MSRA: variants seen among roughly 807,000 people sequenced by gnomAD.
MSRA encodes the protein mitochondrial peptide methionine sulfoxide reductase.
A neutral mutation model predicts 31.3 loss-of-function variants in MSRA; 54 were observed. The observed-to-expected ratio is 1.73, with a 90% confidence interval of 1.39 to 2.17. MSRA has a LOEUF of 2.17. MSRA is among the 30% of genes most tolerant of loss of function. The pLI is 0.00. For synonymous variants in MSRA, 169 were observed against 116.5 expected, an observed-to-expected ratio of 1.45 and a Z score of -2.90; for missense variants, 507 against 300.9, an observed-to-expected ratio of 1.69 and a Z score of -5.07.
At chr8:10,234,812 TAAG>T (rs2129075149) in intron 2 of MSRA, among the ~76,000 whole-genome samples, 1 of 152,120 alleles carries the variant, frequency 6.6e-6, no homozygotes, top group South Asian at 2.1e-4. Context: ...AAAATAATTT[TAAG>T]AACAAAAGAC....
At chr8:10,112,464 A>G (rs1044065253) in intron 1 of MSRA, among the ~76,000 whole-genome samples, 3 of 152,228 alleles carry the variant, frequency 2.0e-5, no homozygotes, top group Non-Finnish European at 4.4e-5. Context: ...TGCCACAGTC[A>G]CAGTTCTTCA....
rs1800850432 is a variant in MSRA, at chr8:10,301,595, G to C, written c.393G>C (p.Glu131Asp). Residue 131 changes from glutamate (E) to aspartate (D), a missense_variant, in exon 4 of 6, where the codon GAG (glutamate) becomes GAC (aspartate). Physicochemically the swap from Glu to Asp is conservative, Grantham distance 45. Transcript: ENST00000317173. Reference protein sequence around the residue: ...VVYQPEHMSFEELLKVFWENH... With the variant: ...VVYQPEHMSFDELLKVFWENH... ...ACCAGCCAGAACACATGAGTTTTGA[G>C]GAACTGCTCAAGGTCTTCTGGGAGA... 2 of 1,614,004 alleles carry C rather than the reference G, an allele frequency of 1.2e-6. No individual in the cohort carries two copies. Among genetic ancestry groups the C allele is most frequent in the South Asian group, 2.2e-5 (2 of 91,086 alleles).
chr8:10,418,162 T>C (rs1016067451), intron 5 of MSRA, among the ~76,000 whole-genome samples: 1 of 152,168 alleles, frequency 6.6e-6, no homozygotes, highest in African/African-American at 2.4e-5. Context: ...GTTTTACAAA[T>C]AATTACATGA....
At chr8:10,233,401 G>A (rs562015757) in intron 2 of MSRA, among the ~76,000 whole-genome samples, 5 of 152,320 alleles carry the variant, frequency 3.3e-5, no homozygotes, top group East Asian at 3.9e-4. Flanking sequence ...AAATTGACTC[G>A]AGTTAATTTT....
chr8:10,095,414 A>G lies in MSRA; in HGVS notation c.142+40756A>G, dbSNP rs574792140. Reference sequence around the variant, plus strand: ...ATGCTGTTGGTGCCAGGATTTGGGTACCGTACCACGGTTTCCTGTTTTCAA... The same window carrying G: ...ATGCTGTTGGTGCCAGGATTTGGGTGCCGTACCACGGTTTCCTGTTTTCAA... On this transcript the variant is annotated intron_variant, in intron 1 of 5. Transcript: ENST00000317173. 21 of 938,926 alleles carry G rather than the reference A, an allele frequency of 2.2e-5. No individual in the cohort carries two copies. In the South Asian group the frequency reaches 8.8e-4, roughly 39 times the overall value. The allele number at this position is 938,926 out of a possible 1,614,324, so 58.2% of individuals were successfully genotyped here.
intron 1 of MSRA, among the ~76,000 whole-genome samples, chr8:10,069,206 A>T (rs151234981): frequency 7.2e-4 from 110 of 152,318 alleles, no homozygotes; most frequent in African/African-American, 2.5e-3. Flanking sequence ...TCATCTGTGA[A>T]TGAACAGTTT....
At chr8:10,325,590 G>T (rs1355486980) in intron 5 of MSRA, among the ~76,000 whole-genome samples, 1 of 152,136 alleles carries the variant, frequency 6.6e-6, no homozygotes, top group Non-Finnish European at 1.5e-5. Context: ...ATTTCTGACT[G>T]TTTATTCAGT....
intron 1 of MSRA, among the ~76,000 whole-genome samples, chr8:10,143,505 C>G (rs931228538): frequency 1.3e-5 from 2 of 152,152 alleles, no homozygotes; most frequent in African/African-American, 4.8e-5. Context: ...TCACGAGGCT[C>G]TATATCCTTA....
intron 2 of MSRA, among the ~76,000 whole-genome samples, chr8:10,237,161 T>A (rs1473875467): frequency 2.6e-5 from 4 of 152,212 alleles, no homozygotes; most frequent in Non-Finnish European, 5.9e-5. Context: ...TAGGTTGAGT[T>A]TTTCTCCTCT....
At chr8:10,192,918 A>C (rs1421659218) in intron 1 of MSRA, among the ~76,000 whole-genome samples, 1 of 152,210 alleles carries the variant, frequency 6.6e-6, no homozygotes, top group African/African-American at 2.4e-5. Flanking sequence ...CATGCTTTTG[A>C]AATGTGACTC....
Position 10,054,596 on chromosome 8 carries a change from C to A in MSRA, c.80C>A (p.Ala27Asp), listed in dbSNP as rs1449756704. 2 of 1,580,930 alleles carry A rather than the reference C, an allele frequency of 1.3e-6. No homozygotes were observed. The highest frequency in any genetic ancestry group is 1.1e-5 in the South Asian group (1 of 88,178). ...CCCGTCCCGAGGATGGGCAACTCGG[C>A]CTCGAACATCGTCAGCCCCCAGGAG... is the stretch of plus-strand genomic sequence containing the variant. ...LFPVPRMGNS[A>D]SNIVSPQEAL... is the part of the protein sequence containing the mutation. Residue 27 changes from alanine to aspartate, a missense_variant, in exon 1 of 6, where the codon GCC becomes GAC. By Grantham distance (126) the Ala-to-Asp change is moderately radical. Transcript: ENST00000317173.
intron 1 of MSRA, among the ~76,000 whole-genome samples, chr8:10,181,571 T>C (rs1806543407): frequency 6.6e-6 from 1 of 151,826 alleles, no homozygotes; most frequent in African/African-American, 2.4e-5. Flanking sequence ...ACAGGAAACA[T>C]GGAAGCTGGG....
intron 3 of MSRA, among the ~76,000 whole-genome samples, chr8:10,290,041 T>A (rs1016397180): frequency 6.6e-6 from 1 of 152,218 alleles, no homozygotes; most frequent in Admixed American, 6.5e-5. Context: ...ATGCCCATTT[T>A]ATAGATGAGC....
At chr8:10,082,657 A>G (rs950328017) in intron 1 of MSRA, among the ~76,000 whole-genome samples, 1 of 152,190 alleles carries the variant, frequency 6.6e-6, no homozygotes, top group Non-Finnish European at 1.5e-5. Flanking sequence ...AGGTTGGACT[A>G]CATGTCGAAC....
At chr8:10,183,139 G>A (rs906793886) in intron 1 of MSRA, among the ~76,000 whole-genome samples, 2 of 152,150 alleles carry the variant, frequency 1.3e-5, no homozygotes, top group Non-Finnish European at 2.9e-5. Flanking sequence ...TTGACTTTGT[G>A]TTTGCTCTTA....
At chr8:10,155,545 G>C (rs373520432) in intron 1 of MSRA, among the ~76,000 whole-genome samples, 2 of 152,270 alleles carry the variant, frequency 1.3e-5, no homozygotes, top group African/African-American at 2.4e-5. Context: ...CTCATGCCCA[G>C]ATCTTCGTTT....
chr8:10,231,944 G>T (rs2975735), intron 2 of MSRA, among the ~76,000 whole-genome samples: 15,435 of 152,084 alleles, frequency 0.1, 968 homozygotes, highest in East Asian at 0.2. Flanking sequence ...AGGGTAAACA[G>T]GAAAGCGTGA....
At chr8:10,104,156 G>T (rs1799719951) in intron 1 of MSRA, among the ~76,000 whole-genome samples, 1 of 152,110 alleles carries the variant, frequency 6.6e-6, no homozygotes, top group African/African-American at 2.4e-5. Context: ...TACCCATGCT[G>T]TCATGACCCT....
chr8:10,215,882 A>G (rs551532061), intron 2 of MSRA, among the ~76,000 whole-genome samples: 50 of 152,378 alleles, frequency 3.3e-4, no homozygotes, highest in Admixed American at 5.9e-4. Context: ...GATTTATTTT[A>G]CAAATGTGGC....
Sources: allele counts gnomAD v4.1 joint callset (sites outside exome capture counted in the v4.1 genomes callset), GRCh38; gene constraint gnomAD v4.1.1; transcripts MANE v1.5; gene names NCBI Gene and HGNC (gene_info 2026-07-23, HGNC 2026-07-21).